The following MACROD2 variants were observed in gnomAD, a reference collection of about 807,000 sequenced individuals.
MACROD2 encodes ADP-ribose glycohydrolase MACROD2.
Under a neutral mutation model 70.4 loss-of-function variants are expected in MACROD2, and 36 were observed. The ratio of observed to expected loss-of-function variants is 0.51; its 90% CI spans 0.39 to 0.68. MACROD2 has a LOEUF of 0.68. MACROD2 is among the 30% of genes least tolerant of loss of function. MACROD2 has a pLI of 0.00. For synonymous variants in MACROD2, 172 were observed against 178.8 expected, an observed-to-expected ratio of 0.96 and a Z score of 0.30; for missense variants, 496 against 538.4, an observed-to-expected ratio of 0.92 and a Z score of 0.78.
At chr20:15,746,182 A>G (rs1284827271) in intron 8 of MACROD2, among the ~76,000 whole-genome samples, 1 of 152,036 alleles carries the variant, frequency 6.6e-6, no homozygotes, top group Non-Finnish European at 1.5e-5. Flanking sequence ...AGTTATTTTT[A>G]GTGTCTCTCA....
At chr20:14,812,417 T>C (rs1311401189) in intron 5 of MACROD2, among the ~76,000 whole-genome samples, 1 of 151,606 alleles carries the variant, frequency 6.6e-6, no homozygotes, top group African/African-American at 2.4e-5. Context: ...CCAGGGCCTG[T>C]TGGGAGGTAG....
intron 6 of MACROD2, among the ~76,000 whole-genome samples, chr20:15,290,471 T>C (rs1027998138): frequency 5.3e-5 from 8 of 152,202 alleles, no homozygotes; most frequent in African/African-American, 1.4e-4. Context: ...AGCTGATTCA[T>C]TGGGATTTCC....
At chr20:14,050,518 A>G (rs1478484814) in intron 2 of MACROD2, among the ~76,000 whole-genome samples, 3 of 114,870 alleles carry the variant, frequency 2.6e-5, no homozygotes, top group African/African-American at 6.6e-5. Flanking sequence ...GTGTAGATCT[A>G]TAGGAGAAAC....
Position 14,384,349 on chromosome 20 carries a change from A to G in MACROD2, c.272-109130A>G, listed in dbSNP as rs1029047816. On this transcript the variant is annotated intron_variant, in intron 3 of 17. Transcript: ENST00000684519. The stretch of plus-strand genomic sequence containing the variant: ...ACTAATATTGGGAAAAAAAGTTTTT[A>G]AGAAAACTTTGGAAAATCAACACTT... 2.0e-5 allele frequency among the ~76,000 whole-genome samples: 3 copies of G among 152,192 alleles called. No homozygotes were observed. The East Asian group carries it at 5.8e-4, about 29-fold the overall frequency.
intron 5 of MACROD2, among the ~76,000 whole-genome samples, chr20:15,088,604 A>T (rs574364690): frequency 6.6e-6 from 1 of 151,748 alleles, no homozygotes; most frequent in African/African-American, 2.4e-5. Context: ...GAGAGGATAC[A>T]AATAAGGAAA....
intron 8 of MACROD2, among the ~76,000 whole-genome samples, chr20:15,503,903 T>C (rs1225795962): frequency 6.6e-6 from 1 of 152,196 alleles, no homozygotes; most frequent in Non-Finnish European, 1.5e-5. Context: ...CCATCAGTGC[T>C]CATGCTTTTC....
chr20:14,315,592 TAAC>T (rs990908772), intron 3 of MACROD2, among the ~76,000 whole-genome samples: 14 of 152,252 alleles, frequency 9.2e-5, no homozygotes, highest in Non-Finnish European at 1.8e-4. Flanking sequence ...TATTAGATAA[TAAC>T]AAAGGTAGCA....
intron 4 of MACROD2, among the ~76,000 whole-genome samples, chr20:14,510,044 CAT>C (rs2085011621): frequency 6.6e-6 from 1 of 151,964 alleles, no homozygotes; most frequent in Admixed American, 6.6e-5. Context: ...CCCTTAGAAA[CAT>C]AAGGTGGAAC....
chr20:14,391,890 A>T (rs1460112119), intron 3 of MACROD2, among the ~76,000 whole-genome samples: 1 of 150,066 alleles, frequency 6.7e-6, no homozygotes, highest in Admixed American at 6.7e-5. Context: ...TAACTGGATG[A>T]TGGGACATTT....
intron 4 of MACROD2, among the ~76,000 whole-genome samples, chr20:14,552,227 C>A (rs1978700782): frequency 7.1e-6 from 1 of 139,970 alleles, no homozygotes. Flanking sequence ...ATTTTTCATT[C>A]ATTTCATTTA....
At chr20:14,867,940 C>G (rs891526438) in intron 5 of MACROD2, among the ~76,000 whole-genome samples, 7 of 152,054 alleles carry the variant, frequency 4.6e-5, no homozygotes, top group Admixed American at 1.3e-4. Context: ...GCTTATACCT[C>G]AATCACAACT....
At chr20:15,694,661 G>A (rs1441647604) in intron 8 of MACROD2, among the ~76,000 whole-genome samples, 1 of 152,108 alleles carries the variant, frequency 6.6e-6, no homozygotes, top group African/African-American at 2.4e-5. Context: ...CTCCCACTCT[G>A]TGGATTGTCT....
At position 15,191,931 on chromosome 20, in the gene MACROD2, T is replaced by TATATATAGAGAGAG. The variant is rs150210305; in HGVS notation, c.419-38008_419-38007insTATATAGAGAGAGA. Among the ~76,000 whole-genome samples, 58 of 142,374 alleles carry TATATATAGAGAGAG rather than the reference T, an allele frequency of 4.1e-4. 2 individuals are homozygous for TATATATAGAGAGAG. The highest frequency in any genetic ancestry group is 1.2e-3 in the African/African-American group (46 of 38,242). The allele number at this position is 142,374 out of a possible 152,430, so 93.4% of individuals were successfully genotyped here. On this transcript the variant is annotated intron_variant, in intron 5 of 17. Transcript: ENST00000684519. The stretch of plus-strand genomic sequence containing the variant: ...ACACATATGTGTATATATATATATA[T>TATATATAGAGAGAG]AGAGAGAGAGAGAGTTAATACATAT...
At chr20:15,746,022 G>A (rs1248569291) in intron 8 of MACROD2, among the ~76,000 whole-genome samples, 1 of 151,996 alleles carries the variant, frequency 6.6e-6, no homozygotes, top group South Asian at 2.1e-4. Context: ...CTATGTTATT[G>A]CCACATAAGT....
chr20:15,410,811 C>G (rs1271975119), intron 6 of MACROD2, among the ~76,000 whole-genome samples: 2 of 152,120 alleles, frequency 1.3e-5, no homozygotes, highest in African/African-American at 4.8e-5. Context: ...GTTGCCAAAC[C>G]TCTAGGCAAA....
intron 5 of MACROD2, among the ~76,000 whole-genome samples, chr20:14,948,108 A>T (rs1166440210): frequency 6.6e-6 from 1 of 152,112 alleles, no homozygotes; most frequent in Non-Finnish European, 1.5e-5. Context: ...CAGAGCAAGT[A>T]TCACATCCTC....
intron 8 of MACROD2, among the ~76,000 whole-genome samples, 173 bp from the exon 9 acceptor site, chr20:15,862,572 A>T (rs1427520048): frequency 1.3e-5 from 2 of 152,160 alleles, no homozygotes; most frequent in East Asian, 3.8e-4. Context: ...ACACACACAC[A>T]CACACATTCT....
At chr20:14,061,628 A>T (rs1433382581) in intron 2 of MACROD2, among the ~76,000 whole-genome samples, 1 of 152,152 alleles carries the variant, frequency 6.6e-6, no homozygotes, top group African/African-American at 2.4e-5. Flanking sequence ...TGGTTATTTC[A>T]TAATTTTCCT....
intron 4 of MACROD2, among the ~76,000 whole-genome samples, chr20:14,569,928 T>C (rs1980075717): frequency 6.6e-6 from 1 of 152,022 alleles, no homozygotes. Context: ...TCTTTTCCTC[T>C]GCTGTTGGAA....
Sources: allele counts gnomAD v4.1 joint callset (sites outside exome capture counted in the v4.1 genomes callset), GRCh38; gene constraint gnomAD v4.1.1; transcripts MANE v1.5; gene names NCBI Gene and HGNC (gene_info 2026-07-23, HGNC 2026-07-21).